PLEKHA6: variants seen among roughly 807,000 people sequenced by gnomAD.
PLEKHA6 encodes the protein pleckstrin homology domain containing A6.
In PLEKHA6, 60 loss-of-function variants were observed where a neutral mutation model predicts 116.7. That is an observed-to-expected ratio of 0.51 (90% CI 0.42 to 0.64). PLEKHA6 has a LOEUF of 0.64. PLEKHA6 is among the 30% of genes least tolerant of loss of function. PLEKHA6 has a pLI of 0.00. For missense variants in PLEKHA6, 1,338 were observed against 1,422.7 expected, an observed-to-expected ratio of 0.94 and a Z score of 0.96; for synonymous variants, 489 against 556.1, an observed-to-expected ratio of 0.88 and a Z score of 1.70.
At chr1:204,292,352 C>T (rs549071816) in intron 1 of PLEKHA6, among the ~76,000 whole-genome samples, 1 of 152,124 alleles carries the variant, frequency 6.6e-6, no homozygotes, top group African/African-American at 2.4e-5. Flanking sequence ...GCTGAGATAA[C>T]CCACCTCATA....
intron 1 of PLEKHA6, chr1:204,282,932 A>T (rs1668780624): frequency 3.1e-6 from 1 of 320,756 alleles, no homozygotes; most frequent in African/African-American, 2.2e-5. Context: ...CCTCGCCTCC[A>T]AGTTGCCTTC....
At chr1:204,241,920 A>C in intron 15 of PLEKHA6, 106 bp from the exon 16 acceptor site, 1 of 1,246,968 alleles carries the variant, frequency 8.0e-7, no homozygotes, top group South Asian at 1.2e-5. Flanking sequence ...AAACCCTTGC[A>C]GATACAAGGA....
At chr1:204,345,366 C>G (rs1673001073) in intron 1 of PLEKHA6, among the ~76,000 whole-genome samples, 1 of 152,142 alleles carries the variant, frequency 6.6e-6, no homozygotes, top group South Asian at 2.1e-4. Flanking sequence ...CCACACACAG[C>G]CCATCAGAAG....
chr1:204,282,653 G>A (rs2102974835), intron 1 of PLEKHA6: 1 of 985,304 alleles, frequency 1.0e-6, no homozygotes, highest in Admixed American at 6.1e-5. Context: ...ACACTGAAGT[G>A]TCTTCCAATT....
intron 3 of PLEKHA6, among the ~76,000 whole-genome samples, chr1:204,270,938 A>C (rs10900572): frequency 0.18 from 27,100 of 151,932 alleles, 2,526 homozygotes; most frequent in East Asian, 0.28. Context: ...GCCACTGTCA[A>C]ATCCCAACTT....
intron 1 of PLEKHA6, among the ~76,000 whole-genome samples, chr1:204,356,000 C>CAAAA (rs199652785): frequency 2.3e-4 from 11 of 47,674 alleles, no homozygotes; most frequent in African/African-American, 4.0e-4. Context: ...CACACACACA[C>CAAAA]AAAAAAAATC....
chr1:204,344,617 A>T (rs1286190983), intron 1 of PLEKHA6, among the ~76,000 whole-genome samples: 2 of 147,756 alleles, frequency 1.4e-5, no homozygotes, highest in African/African-American at 5.0e-5. Flanking sequence ...AAAAAAAAAA[A>T]GAAATATTTA....
chr1:204,301,540 C>A, intron 1 of PLEKHA6: 1 of 874,078 alleles, frequency 1.1e-6, no homozygotes, highest in South Asian at 5.2e-5. Context: ...CTCCACCCTA[C>A]CACCACCCCA....
At chr1:204,328,702 A>G (rs1206467428) in intron 1 of PLEKHA6, among the ~76,000 whole-genome samples, 1 of 152,140 alleles carries the variant, frequency 6.6e-6, no homozygotes, top group Non-Finnish European at 1.5e-5. Context: ...TCAACTTTCA[A>G]TTGTCTGCTG....
At chr1:204,234,505 T>C (rs1661661970) in intron 17 of PLEKHA6, among the ~76,000 whole-genome samples, 1 of 152,240 alleles carries the variant, frequency 6.6e-6, no homozygotes, top group African/African-American at 2.4e-5. Context: ...CTGCTTTCCC[T>C]GCTTTGTATT....
At chr1:204,253,584 A>C (rs1664853474) in intron 9 of PLEKHA6, among the ~76,000 whole-genome samples, 1 of 152,146 alleles carries the variant, frequency 6.6e-6, no homozygotes, top group Non-Finnish European at 1.5e-5. Context: ...TAGCACTTTG[A>C]GAGGCAGAGG....
Position 204,222,537 on chromosome 1 carries a change from G to A in PLEKHA6, c.*251C>T, listed in dbSNP as rs1659759588. 6.5e-6 allele frequency: 1 copy of A among 152,828 alleles called. No individual in the cohort carries two copies. Among genetic ancestry groups the A allele is most frequent in the South Asian group, 2.1e-4 (1 of 4,834 alleles). 9.5% of individuals were successfully genotyped at this position (152,828 alleles called of 1,614,324 possible). Reference sequence around the variant, plus strand: ...GCTCCCCACTGTCATCTCAGGCCCTGGCCCAGGACCACGGTGTGAGTAGTG... The same window carrying A: ...GCTCCCCACTGTCATCTCAGGCCCTAGCCCAGGACCACGGTGTGAGTAGTG... On this transcript the variant is annotated 3_prime_UTR_variant, in exon 23 of 23. Transcript: ENST00000272203.
intron 1 of PLEKHA6, among the ~76,000 whole-genome samples, chr1:204,353,173 G>A (rs761900407): frequency 2.0e-5 from 3 of 152,160 alleles, no homozygotes; most frequent in Non-Finnish European, 4.4e-5. Flanking sequence ...TCAAAAAGCA[G>A]TTACCAACCA....
intron 1 of PLEKHA6, among the ~76,000 whole-genome samples, chr1:204,321,531 G>A (rs950245813): frequency 6.6e-6 from 1 of 151,054 alleles, no homozygotes; most frequent in African/African-American, 2.4e-5. Context: ...CAGCCTCTGT[G>A]CATGCTGTTT....
At chr1:204,263,398 C>T (rs1666380219) in intron 6 of PLEKHA6, among the ~76,000 whole-genome samples, 1 of 152,160 alleles carries the variant, frequency 6.6e-6, no homozygotes, top group Non-Finnish European at 1.5e-5. Flanking sequence ...CTTAGCCATC[C>T]AAGAGTTTCG....
intron 17 of PLEKHA6, among the ~76,000 whole-genome samples, chr1:204,233,387 C>A (rs1223260177): frequency 6.8e-6 from 1 of 147,328 alleles, no homozygotes; most frequent in African/African-American, 2.5e-5. Context: ...GTCACCCAGG[C>A]TGGAATGCAG....
chr1:204,226,023 GGC>G (rs1168146179), intron 21 of PLEKHA6, among the ~76,000 whole-genome samples: 3 of 152,152 alleles, frequency 2.0e-5, no homozygotes, highest in African/African-American at 4.8e-5. Context: ...ACCACACGCG[GGC>G]ACTGAACTCT....
chr1:204,246,981 C>G (rs1663782234), intron 13 of PLEKHA6, among the ~76,000 whole-genome samples: 1 of 152,058 alleles, frequency 6.6e-6, no homozygotes, highest in Non-Finnish European at 1.5e-5. Context: ...ACAAAAAATA[C>G]AAAAACTAGC....
intron 1 of PLEKHA6, among the ~76,000 whole-genome samples, chr1:204,354,194 C>T (rs1044434943): frequency 6.6e-6 from 1 of 152,136 alleles, no homozygotes; most frequent in East Asian, 1.9e-4. Context: ...TAAAGAGGGC[C>T]CTAGGCCACC....
Sources: gnomAD v4.1 joint callset for allele counts (sites outside exome capture counted in the v4.1 genomes callset) on GRCh38, gnomAD v4.1.1 for gene constraint, MANE v1.5 for transcripts, NCBI Gene and HGNC (gene_info 2026-07-23, HGNC 2026-07-21) for gene names.